The following AKT3 variants were observed in gnomAD, a reference collection of about 807,000 sequenced individuals.
AKT3 encodes the protein RAC-gamma serine/threonine-protein kinase.
In AKT3, 15 loss-of-function variants were observed where a neutral mutation model predicts 65.3. That is an observed-to-expected ratio of 0.23 (90% CI 0.15 to 0.35). AKT3 has a LOEUF of 0.35. Ranked by LOEUF, AKT3 falls within the 10% of genes least tolerant of loss-of-function variation. The pLI is 1.00. For missense variants in AKT3, 243 were observed against 576.5 expected (o/e 0.42, Z 5.92); for synonymous variants, 206 against 183.8 (o/e 1.12, Z -0.98).
At position 243,751,569 on chromosome 1, in the gene AKT3, T is replaced by C. The variant is rs529641570; in HGVS notation, c.47-55853A>G. On this transcript the variant is annotated intron_variant, in intron 2 of 13. Coordinates refer to ENST00000673466, the MANE Select transcript of AKT3 (RefSeq NM_005465.7). ...AGTGAAGAGAGAGTCAGACAGGATA[T>C]TCTGCTATGAGGCCCTGGCAAATCT... Among the ~76,000 whole-genome samples the C allele has an allele frequency of 2.4e-3, 368 of 152,298 alleles. 1 individual carries two copies. The highest frequency in any genetic ancestry group is 8.7e-3 in the African/African-American group (361 of 41,548).
intron 2 of AKT3, among the ~76,000 whole-genome samples, chr1:243,821,269 G>A (rs543862949): frequency 6.6e-6 from 1 of 152,234 alleles, no homozygotes; most frequent in African/African-American, 2.4e-5. Context: ...TGCTTTGCAA[G>A]AGCTCCTAAA....
intron 2 of AKT3, among the ~76,000 whole-genome samples, chr1:243,706,197 C>T (rs892417152): frequency 6.6e-6 from 1 of 152,190 alleles, no homozygotes; most frequent in Non-Finnish European, 1.5e-5. Context: ...CTAAATAAAC[C>T]TACCACCATT....
intron 8 of AKT3, among the ~76,000 whole-genome samples, chr1:243,598,518 T>A (rs186847268): frequency 1.3e-5 from 2 of 152,128 alleles, no homozygotes; most frequent in Non-Finnish European, 2.9e-5. Context: ...TCTCCATAAC[T>A]CTCTCTCATA....
chr1:243,688,385 A>G (rs1684477679), intron 3 of AKT3, among the ~76,000 whole-genome samples: 1 of 152,192 alleles, frequency 6.6e-6, no homozygotes, highest in African/African-American at 2.4e-5. Context: ...TTAATTGTGG[A>G]TATATATTAA....
At chr1:243,747,775 A>G (rs1688565028) in intron 2 of AKT3, among the ~76,000 whole-genome samples, 1 of 152,216 alleles carries the variant, frequency 6.6e-6, no homozygotes, top group African/African-American at 2.4e-5. Flanking sequence ...CACAAAAAAA[A>G]TCAAAAGGGA....
At chr1:243,704,974 C>T (rs185682886) in intron 2 of AKT3, among the ~76,000 whole-genome samples, 7 of 152,218 alleles carry the variant, frequency 4.6e-5, no homozygotes, top group Non-Finnish European at 7.4e-5. Flanking sequence ...GCTGGCCACA[C>T]GGAAGGTGTT....
At chr1:243,537,906 C>T (rs1006568664) in intron 12 of AKT3, among the ~76,000 whole-genome samples, 1 of 152,094 alleles carries the variant, frequency 6.6e-6, no homozygotes, top group Admixed American at 6.6e-5. Context: ...TCCTTCATTT[C>T]CCAATCCTGT....
rs1239372100 is a variant in AKT3 at position 243,589,290 on chromosome 1, G to A, written c.697-16242C>T. 1.9e-4 allele frequency among the ~76,000 whole-genome samples: 19 copies of A among 102,302 alleles called. No homozygotes were observed. The East Asian group carries it at 4.9e-3, about 27-fold the overall frequency. The allele number at this position is 102,302 out of a possible 152,430, so 67.1% of individuals were successfully genotyped here. A position where few individuals can be genotyped will look rare whatever the true frequency, so the allele number is the denominator to read the frequency against. Reference sequence around the variant, plus strand: ...CACTGCACTCCAACCTAGGCAACACGAGCAAAACTCCATCTCAAAAAAAAA... The same window carrying A: ...CACTGCACTCCAACCTAGGCAACACAAGCAAAACTCCATCTCAAAAAAAAA... On this transcript the variant is annotated intron_variant, in intron 8 of 13. Transcript: ENST00000673466.
At position 243,665,562 on chromosome 1, in the gene AKT3, A is replaced by G. The variant is rs2147924127; in HGVS notation, c.173-679T>C. 1.3e-5 allele frequency among the ~76,000 whole-genome samples: 2 copies of G among 152,280 alleles called. 1 individual carries two copies. Among genetic ancestry groups the G allele is most frequent in the Middle Eastern group, 6.8e-3 (2 of 294 alleles). ...CAACAAACATGAGCCTAAAGTATGG[A>G]TTCTCTGACACTGGTGTGCGTAGAT... On this transcript the variant is annotated intron_variant, in intron 3 of 13. Transcript: ENST00000673466.
intron 11 of AKT3, among the ~76,000 whole-genome samples, chr1:243,549,172 C>T (rs1672876448): frequency 6.6e-6 from 1 of 152,118 alleles, no homozygotes; most frequent in Non-Finnish European, 1.5e-5. Context: ...TCTATTATTT[C>T]CAGCTGCTCA....
downstream of AKT3, among the ~76,000 whole-genome samples, chr1:243,499,227 C>T (rs540312196): frequency 6.6e-6 from 1 of 152,322 alleles, no homozygotes; most frequent in South Asian, 2.1e-4. Flanking sequence ...TCCCCTCTTC[C>T]AACACATGTG....
chr1:243,696,372 T>C (rs535716202), intron 2 of AKT3, among the ~76,000 whole-genome samples: 28 of 152,028 alleles, frequency 1.8e-4, no homozygotes, highest in African/African-American at 6.7e-4. Flanking sequence ...AAGAACATAA[T>C]AGTCAATAAA....
chr1:243,513,724 C>G (rs184160859), intron 12 of AKT3, among the ~76,000 whole-genome samples: 25 of 152,346 alleles, frequency 1.6e-4, no homozygotes, highest in Admixed American at 1.6e-3. Flanking sequence ...TTAGCAAGCA[C>G]TCCTTTGGGG....
chr1:243,497,888 C>T (rs1046148334), downstream of AKT3, among the ~76,000 whole-genome samples: 1 of 152,088 alleles, frequency 6.6e-6, no homozygotes, highest in Non-Finnish European at 1.5e-5. Context: ...CACTATGTTG[C>T]CCAGGCTGGT....
intron 2 of AKT3, among the ~76,000 whole-genome samples, chr1:243,725,143 G>A (rs1338708212): frequency 6.6e-6 from 1 of 151,852 alleles, no homozygotes; most frequent in East Asian, 1.9e-4. Flanking sequence ...GATGCAGTGA[G>A]CTATGATAAG....
intron 5 of AKT3, among the ~76,000 whole-genome samples, chr1:243,640,629 A>C (rs1361986807): frequency 6.6e-6 from 1 of 152,120 alleles, no homozygotes; most frequent in East Asian, 1.9e-4. Flanking sequence ...CGAGAGAGAG[A>C]CCAAGTGGAG....
chr1:243,610,117 G>A (rs915074634), intron 8 of AKT3, among the ~76,000 whole-genome samples: 3 of 151,986 alleles, frequency 2.0e-5, no homozygotes, highest in African/African-American at 7.2e-5. Context: ...ATGTATTTTT[G>A]AAATAAAAAG....
intron 2 of AKT3, among the ~76,000 whole-genome samples, chr1:243,702,462 T>A (rs912244188): frequency 6.6e-6 from 1 of 152,182 alleles, no homozygotes; most frequent in Non-Finnish European, 1.5e-5. Context: ...ATAGTTTTTA[T>A]CCACCAAAGG....
chr1:243,645,187 A>T (rs1302163703), intron 5 of AKT3, among the ~76,000 whole-genome samples: 1 of 152,172 alleles, frequency 6.6e-6, no homozygotes, highest in Non-Finnish European at 1.5e-5. Context: ...TCCTCCCTGA[A>T]GATTAATTTA....
Sources: allele counts gnomAD v4.1 joint callset (sites outside exome capture counted in the v4.1 genomes callset), GRCh38; gene constraint gnomAD v4.1.1; transcripts MANE v1.5; gene names NCBI Gene and HGNC (gene_info 2026-07-23, HGNC 2026-07-21).